The following ACTL8 variants were observed in gnomAD, a reference collection of about 807,000 sequenced individuals.
ACTL8 encodes the protein actin-like protein 8.
Under a neutral mutation model 9.3 loss-of-function variants are expected in ACTL8, and 3 were observed. The observed-to-expected ratio is 0.32, with a 90% CI of 0.15 to 0.83. ACTL8 has a LOEUF of 0.83. ACTL8 is among the 40% of genes least tolerant of loss of function. ACTL8 has a pLI of 0.57. For missense variants in ACTL8, 381 were observed against 492.2 expected, an observed-to-expected ratio of 0.77 and a Z score of 2.14; for synonymous variants, 224 against 205.9, an observed-to-expected ratio of 1.09 and a Z score of -0.75.
At chr1:17,768,670 G>A (rs2066063152) in intron 1 of ACTL8, among the ~76,000 whole-genome samples, 1 of 152,198 alleles carries the variant, frequency 6.6e-6, no homozygotes, top group Non-Finnish European at 1.5e-5. Flanking sequence ...ATCCGGCTGG[G>A]CCTCTAGGGC....
At chr1:17,821,818 G>C (rs1306060659) in intron 1 of ACTL8, among the ~76,000 whole-genome samples, 2 of 152,128 alleles carry the variant, frequency 1.3e-5, no homozygotes, top group South Asian at 2.1e-4. Flanking sequence ...TAGAGATGGG[G>C]TTTCATCATG....
At chr1:17,809,253 A>G (rs1378021207) in intron 1 of ACTL8, among the ~76,000 whole-genome samples, 3 of 152,148 alleles carry the variant, frequency 2.0e-5, no homozygotes. Context: ...ATAATTATGT[A>G]TGGTAATAAG....
chr1:17,813,280 G>A (rs1557445349), intron 1 of ACTL8, among the ~76,000 whole-genome samples: 1 of 152,186 alleles, frequency 6.6e-6, no homozygotes, highest in Admixed American at 6.5e-5. Flanking sequence ...TAGGTGTTTG[G>A]ATATTCTCTT....
chr1:17,773,179 T>C (rs2066095583), intron 1 of ACTL8, among the ~76,000 whole-genome samples: 2 of 152,232 alleles, frequency 1.3e-5, no homozygotes, highest in Non-Finnish European at 2.9e-5. Flanking sequence ...TCTATGTGTT[T>C]AGGAGAAGCA....
At chr1:17,789,446 T>G (rs2066221883) in intron 1 of ACTL8, among the ~76,000 whole-genome samples, 1 of 152,124 alleles carries the variant, frequency 6.6e-6, no homozygotes, top group Non-Finnish European at 1.5e-5. Context: ...TAATTTGTAG[T>G]GATTTTGCCT....
Position 17,767,117 on chromosome 1 carries a change from C to T in ACTL8, c.-25+11613C>T, listed in dbSNP as rs2066050444. On this transcript the variant is annotated intron_variant, in intron 1 of 2. Coordinates refer to ENST00000375406, the MANE Select transcript of ACTL8 (RefSeq NM_030812.3). This position sits in a 1 kb window ranked among gnomAD's most constrained non-coding sequence, Gnocchi z 4.7. The stretch of plus-strand genomic sequence containing the variant: ...GGTCAGGGACGGGGGAAGCAGACAC[C>T]TGAGGGGGAAGCGAGACGGGTGAGC... Among the ~76,000 whole-genome samples, 1 of 152,050 alleles carries T rather than the reference C, an allele frequency of 6.6e-6. No homozygotes were observed. The highest frequency in any genetic ancestry group is 2.4e-5 in the African/African-American group (1 of 41,402).
chr1:17,772,878 T>G (rs2066093468), intron 1 of ACTL8, among the ~76,000 whole-genome samples: 2 of 151,868 alleles, frequency 1.3e-5, no homozygotes. Flanking sequence ...AATGAGGTCT[T>G]GTGAGTACCT....
rs2053725762 is a variant in ACTL8, at chr1:17,826,621, G to A, written c.*102G>A. ...TGGGGGTAGAATGAGGTGGGGTGGGGTGAGCTGGCTTTGGAATTCTAGGGG... is the reference window on the plus strand; with the variant it reads ...TGGGGGTAGAATGAGGTGGGGTGGGATGAGCTGGCTTTGGAATTCTAGGGG... On this transcript the variant is annotated 3_prime_UTR_variant, in exon 3 of 3. Coordinates refer to ENST00000375406, the MANE Select transcript of ACTL8 (RefSeq NM_030812.3). The surrounding 1 kb of genome is among the most constrained non-coding windows in gnomAD (Gnocchi z 4.5). 8.1e-7 allele frequency: 1 copy of A among 1,236,948 alleles called. No individual in the cohort carries two copies. The highest frequency in any genetic ancestry group is 1.1e-6 in the Non-Finnish European group (1 of 924,032). The allele number at this position is 1,236,948 out of a possible 1,614,324, so 76.6% of individuals were successfully genotyped here.
chr1:17,783,827 G>A (rs531593670), intron 1 of ACTL8, among the ~76,000 whole-genome samples: 4 of 152,374 alleles, frequency 2.6e-5, no homozygotes, highest in African/African-American at 9.6e-5. Flanking sequence ...TTGAGTTGGT[G>A]TAAAGGGGAT....
chr1:17,757,795 T>C (rs1610410), intron 1 of ACTL8, among the ~76,000 whole-genome samples: 37,109 of 152,120 alleles, frequency 0.24, 5,235 homozygotes, highest in East Asian at 0.6. Context: ...CTGGGCTGGA[T>C]GCATTGATAC....
intron 1 of ACTL8, among the ~76,000 whole-genome samples, chr1:17,803,404 C>T (rs2066337571): frequency 6.6e-6 from 1 of 152,210 alleles, no homozygotes; most frequent in Non-Finnish European, 1.5e-5. Flanking sequence ...AGTCTCAGCT[C>T]ACTGCAGCCT....
chr1:17,815,667 G>A (rs2066421477), intron 1 of ACTL8, among the ~76,000 whole-genome samples: 1 of 152,034 alleles, frequency 6.6e-6, no homozygotes, highest in African/African-American at 2.4e-5. Context: ...ATTTTCTATG[G>A]GGTGTGCTGA....
chr1:17,793,163 C>A (rs919789200), intron 1 of ACTL8, among the ~76,000 whole-genome samples: 1 of 152,194 alleles, frequency 6.6e-6, no homozygotes, highest in Non-Finnish European at 1.5e-5. Context: ...ATTTCCTAAG[C>A]AAGGGCTGGA....
chr1:17,783,157 G>A (rs2066168681), intron 1 of ACTL8, among the ~76,000 whole-genome samples: 1 of 152,096 alleles, frequency 6.6e-6, no homozygotes, highest in Non-Finnish European at 1.5e-5. Flanking sequence ...ATTCAGACTG[G>A]CTCTTCTGGG....
At chr1:17,768,131 A>G (rs1384106531) in intron 1 of ACTL8, among the ~76,000 whole-genome samples, 1 of 121,370 alleles carries the variant, frequency 8.2e-6, no homozygotes, top group African/African-American at 3.2e-5. Flanking sequence ...TGGCTGGGAA[A>G]AGGTGGGAAC....
At chr1:17,766,063 A>G (rs973943261) in intron 1 of ACTL8, among the ~76,000 whole-genome samples, 6 of 152,190 alleles carry the variant, frequency 3.9e-5, no homozygotes, top group African/African-American at 1.4e-4. Context: ...TGTGAGAAGC[A>G]ATGACACCCT....
chr1:17,808,399 G>A (rs1379799093), intron 1 of ACTL8, among the ~76,000 whole-genome samples: 1 of 152,212 alleles, frequency 6.6e-6, no homozygotes, highest in East Asian at 1.9e-4. Flanking sequence ...GAAGACTACG[G>A]TGTAGAGAGG....
intron 1 of ACTL8, among the ~76,000 whole-genome samples, chr1:17,761,134 ATTTTTTTTT>A (rs935834059): frequency 1.5e-5 from 2 of 131,386 alleles, no homozygotes; most frequent in East Asian, 2.2e-4. Context: ...TTGCGGCTTA[ATTTTTTTTT>A]TTTTTTTTTT....
chr1:17,791,077 G>T lies in ACTL8; in HGVS notation c.-24-31908G>T, dbSNP rs187758147. Among the ~76,000 whole-genome samples the T allele has an allele frequency of 9.1e-4, 139 of 152,314 alleles. 1 individual carries two copies. In the East Asian group the frequency reaches 0.012, roughly 14 times the overall value. On this transcript the variant is annotated intron_variant, in intron 1 of 2. Transcript: ENST00000375406. ...CCCCTAAGAGTGCAGAGATGACTGG[G>T]TGGCTGCAGCTGTGCCTGGCAGGGG...
Sources: allele counts gnomAD v4.1 joint callset (sites outside exome capture counted in the v4.1 genomes callset), GRCh38; gene constraint gnomAD v4.1.1; non-coding constraint Gnocchi (gnomAD v3.1); transcripts MANE v1.5; gene names NCBI Gene and HGNC (gene_info 2026-07-23, HGNC 2026-07-21).